QTRT2: variants seen among roughly 807,000 people sequenced by gnomAD.
QTRT2 encodes queuine tRNA-ribosyltransferase domain containing 1.
QTRT2 carries 32 observed loss-of-function variants against 44.8 expected under a neutral mutation model. That is an observed-to-expected ratio of 0.71 (90% confidence interval 0.54 to 0.96). The LOEUF (loss-of-function observed/expected upper bound fraction) is 0.96. Among genes scored for constraint, QTRT2 ranks in the 40% least tolerant of loss-of-function variants. The pLI is 0.00. For synonymous variants in QTRT2, 182 were observed against 187.4 expected (o/e 0.97, Z 0.24); for missense variants, 461 against 503.1 (o/e 0.92, Z 0.80).
At chr3:114,079,671 C>A in intron 7 of QTRT2, 1 of 348,956 alleles carries the variant, frequency 2.9e-6, no homozygotes, top group Non-Finnish European at 5.3e-6. Context: ...AGTAATCTTT[C>A]CAAAGTGACA....
At chr3:114,058,197 T>C (rs952496710) in intron 2 of QTRT2, among the ~76,000 whole-genome samples, 1 of 152,268 alleles carries the variant, frequency 6.6e-6, no homozygotes, top group African/African-American at 2.4e-5. Flanking sequence ...TTATTGTCTT[T>C]CTATATGTGA....
chr3:114,081,801 C>T (rs775470976), intron 8 of QTRT2, among the ~76,000 whole-genome samples: 2 of 152,172 alleles, frequency 1.3e-5, no homozygotes, highest in African/African-American at 2.4e-5. Flanking sequence ...TATAACAGCT[C>T]TGTGCCCAGT....
intron 5 of QTRT2, among the ~76,000 whole-genome samples, chr3:114,069,037 G>A (rs960554118): frequency 6.7e-6 from 1 of 149,626 alleles, no homozygotes; most frequent in Non-Finnish European, 1.5e-5. Context: ...CTGGGTGATA[G>A]AGCGAGACTC....
At chr3:114,064,690 G>A (rs1055725976) in intron 2 of QTRT2, among the ~76,000 whole-genome samples, 35 of 152,028 alleles carry the variant, frequency 2.3e-4, no homozygotes, top group Admixed American at 6.5e-4. Flanking sequence ...GAAATAATCC[G>A]ACCTCAGAGA....
chr3:114,063,138 G>T (rs1244258088), intron 2 of QTRT2, among the ~76,000 whole-genome samples: 5 of 152,270 alleles, frequency 3.3e-5, no homozygotes, highest in African/African-American at 7.2e-5. Flanking sequence ...GAAATCTAGT[G>T]TTCCATATTG....
rs865790795 is a variant in QTRT2, at chr3:114,063,579, C to G, written c.-21-1658C>G. ...ATGACACTTATTTGTATGTTTCTAT[C>G]TTAGTGATAACTTGAAATAATGATC... On this transcript the variant is annotated intron_variant, in intron 2 of 9. Coordinates refer to ENST00000281273, the MANE Select transcript of QTRT2 (RefSeq NM_024638.4). Among the ~76,000 whole-genome samples the G allele has an allele frequency of 4.0e-5, 6 of 151,802 alleles. No homozygotes were observed. The South Asian group carries it at 6.2e-4, about 16-fold the overall frequency.
At chr3:114,068,401 A>C (rs1021203377) in intron 5 of QTRT2, 1 of 275,528 alleles carries the variant, frequency 3.6e-6, no homozygotes, top group Non-Finnish European at 7.3e-6. Context: ...TAACAACTTC[A>C]GGAAGAGTGG....
intron 5 of QTRT2, among the ~76,000 whole-genome samples, chr3:114,069,143 T>C (rs2076992202): frequency 6.6e-6 from 1 of 152,192 alleles, no homozygotes; most frequent in Non-Finnish European, 1.5e-5. Flanking sequence ...GATGCCTTAG[T>C]ATAAAATAAA....
At chr3:114,058,079 A>C (rs576182926) in intron 2 of QTRT2, among the ~76,000 whole-genome samples, 1 of 152,382 alleles carries the variant, frequency 6.6e-6, no homozygotes, top group East Asian at 1.9e-4. Context: ...CATAAAATGC[A>C]GATAATAATG....
In QTRT2 at chr3:114,087,096, T is replaced by A. The variant is rs1236015417; in HGVS notation, c.*1192T>A. The A allele has an allele frequency of 2.6e-5, 4 of 152,184 alleles. No individual in the cohort carries two copies. The highest frequency in any genetic ancestry group is 7.2e-5 in the African/African-American group (3 of 41,438). The allele number at this position is 152,184 out of a possible 1,614,324, so 9.4% of individuals were successfully genotyped here. A position where few individuals can be genotyped will look rare whatever the true frequency, so the allele number is the denominator to read the frequency against. On this transcript the variant is annotated 3_prime_UTR_variant, in exon 10 of 10. Coordinates refer to ENST00000281273, the MANE Select transcript of QTRT2 (RefSeq NM_024638.4). ...AGTTACCTCTGTATTTTTCAAGTTT[T>A]CTATAAGGAATACACATACACCCAC...
intron 5 of QTRT2, among the ~76,000 whole-genome samples, chr3:114,069,566 G>T (rs937739567): frequency 2.0e-5 from 3 of 152,182 alleles, no homozygotes; most frequent in South Asian, 2.1e-4. Context: ...TCCTGCAAAA[G>T]ACGTGACCTC....
chr3:114,085,232 G>A (rs1228530457), intron 9 of QTRT2, among the ~76,000 whole-genome samples: 1 of 151,806 alleles, frequency 6.6e-6, no homozygotes, highest in Non-Finnish European at 1.5e-5. Context: ...TTTTGAGATG[G>A]AGTCTCGCTC....
At chr3:114,070,364 G>A (rs747812995) in intron 5 of QTRT2, among the ~76,000 whole-genome samples, 10 of 152,184 alleles carry the variant, frequency 6.6e-5, no homozygotes, top group Non-Finnish European at 1.2e-4. Flanking sequence ...TTAGGTAGGG[G>A]TGGGGCAGGT....
chr3:114,060,071 G>A lies in QTRT2; in HGVS notation c.-22+2965G>A, dbSNP rs528560145. Among the ~76,000 whole-genome samples, 271 of 152,282 alleles carry A rather than the reference G, an allele frequency of 1.8e-3. 1 individual carries two copies. Among genetic ancestry groups the A allele is most frequent in the African/African-American group, 6.4e-3 (267 of 41,558 alleles). On this transcript the variant is annotated intron_variant, in intron 2 of 9. Coordinates refer to ENST00000281273, the MANE Select transcript of QTRT2 (RefSeq NM_024638.4). The stretch of plus-strand genomic sequence containing the variant: ...AAGGACCTCTAATTACAGACTTTCA[G>A]TTAAGAATCAAGAAAGTTGTTTCTT...
chr3:114,057,053 G>T lies in QTRT2; in HGVS notation c.-75G>T. ...TCAGATTCTCATAAATCGTGTGAGC[G>T]TCGCCGACACCTCTGAGATAAAAGG... On this transcript the variant is annotated 5_prime_UTR_variant, in exon 2 of 10. Coordinates refer to ENST00000281273, the MANE Select transcript of QTRT2 (RefSeq NM_024638.4). The T allele has an allele frequency of 2.2e-6, 3 of 1,382,228 alleles. No homozygotes were observed. The highest frequency in any genetic ancestry group is 2.8e-6 in the Non-Finnish European group (3 of 1,071,668). The allele number at this position is 1,382,228 out of a possible 1,614,324, so 85.6% of individuals were successfully genotyped here.
At chr3:114,062,967 G>T (rs1209179223) in intron 2 of QTRT2, among the ~76,000 whole-genome samples, 1 of 152,186 alleles carries the variant, frequency 6.6e-6, no homozygotes, top group Admixed American at 6.5e-5. Flanking sequence ...AATTTTTGGA[G>T]GAGCCAGCAA....
chr3:114,060,958 G>A (rs1387137579), intron 2 of QTRT2, among the ~76,000 whole-genome samples: 2 of 152,190 alleles, frequency 1.3e-5, no homozygotes, highest in Non-Finnish European at 2.9e-5. Context: ...GATGATTCAC[G>A]TCCTGGGTGG....
intron 2 of QTRT2, among the ~76,000 whole-genome samples, chr3:114,059,178 C>A (rs1385430848): frequency 3.3e-5 from 5 of 152,186 alleles, no homozygotes; most frequent in Admixed American, 3.3e-4. Context: ...TGCAGGGAAT[C>A]TTTGTTAGTC....
intron 2 of QTRT2, among the ~76,000 whole-genome samples, chr3:114,060,804 G>A (rs2107783879): frequency 6.6e-6 from 1 of 152,138 alleles, no homozygotes; most frequent in Non-Finnish European, 1.5e-5. Context: ...CACAACTCTT[G>A]TGCTGTGGGG....
Sources: gnomAD v4.1 joint callset for allele counts (sites outside exome capture counted in the v4.1 genomes callset) on GRCh38, gnomAD v4.1.1 for gene constraint, MANE v1.5 for transcripts, NCBI Gene and HGNC (gene_info 2026-07-23, HGNC 2026-07-21) for gene names.